Variants in RBFOX1 observed in about 807,000 individuals in gnomAD.
RBFOX1 encodes the protein RNA binding fox-1 homolog 1.
In RBFOX1, 8 loss-of-function variants were observed where a neutral mutation model predicts 57.7. The observed-to-expected ratio is 0.14, with a 90% CI of 0.08 to 0.25. RBFOX1 has a LOEUF of 0.25. Ranked by LOEUF, RBFOX1 falls within the 10% of genes least tolerant of loss-of-function variation. The probability of loss-of-function intolerance (pLI) is 1.00; values close to 1 mark genes in which losing one functional copy is unlikely to be tolerated. For synonymous variants in RBFOX1, 326 were observed against 222.4 expected (o/e 1.47, Z -4.15); for missense variants, 611 against 548.5 (o/e 1.11, Z -1.14).
chr16:6,761,381 G>T (rs572240348), intron 3 of RBFOX1, among the ~76,000 whole-genome samples: 13 of 151,496 alleles, frequency 8.6e-5, no homozygotes, highest in African/African-American at 2.9e-4. Context: ...TTTAGTCTTT[G>T]CATCTCTTAT....
At position 7,518,389 on chromosome 16, in the gene RBFOX1, A is replaced by G. The variant is rs1295224103; in HGVS notation, c.270A>G (p.Thr90=). The change falls in exon 5 of 16, where the codon ACA becomes ACG. Residue 90 remains threonine, a splice_region_variant and synonymous_variant. Coordinates refer to ENST00000550418, the MANE Select transcript of RBFOX1 (RefSeq NM_018723.4). ...CTCAGACCGTCTCTGGCACCGCCAC[A>G]GTAAGTGGACGTGTTTGCTACGGGT... ...TSAQTVSGTA[T]QTDDAAPTDG... The G allele has an allele frequency of 1.9e-6, 3 of 1,608,366 alleles. No homozygotes were observed. Among genetic ancestry groups the G allele is most frequent in the Non-Finnish European group, 2.6e-6 (3 of 1,176,250 alleles).
intron 2 of RBFOX1, among the ~76,000 whole-genome samples, chr16:6,586,839 G>T (rs2153982973): frequency 6.6e-6 from 1 of 152,270 alleles, no homozygotes; most frequent in Non-Finnish European, 1.5e-5. Context: ...AATTATAGGA[G>T]AAAGGGAAAA....
Position 5,787,860 on chromosome 16 carries a change from A to T in RBFOX1, c.319-79443A>T, listed in dbSNP as rs117443895. On this transcript the variant is annotated intron_variant, in intron 3 of 19. Coordinates refer to the RBFOX1 transcript ENST00000641259. The stretch of plus-strand genomic sequence containing the variant: ...AGTTGGAAAGGAAGAATGCATTGCA[A>T]TTGCAGTGTTCCAAGTCAACTAAGG... Among the ~76,000 whole-genome samples the T allele has an allele frequency of 5.9e-5, 9 of 152,356 alleles. No homozygotes were observed. The East Asian group carries it at 1.5e-3, about 26-fold the overall frequency.
chr16:7,205,570 C>G (rs1056898271), intron 4 of RBFOX1, among the ~76,000 whole-genome samples: 3 of 151,866 alleles, frequency 2.0e-5, no homozygotes, highest in African/African-American at 7.3e-5. Flanking sequence ...AAACATGAAC[C>G]TTTCAGTAGA....
In RBFOX1 at chr16:6,392,642, A is replaced by G. The variant is rs540239518; in HGVS notation, c.-64+75585A>G. ...ACTGAGGAACCTTTTCCTGGGACTA[A>G]TAGACCCCCCTAATGGGATGCAGAC... On this transcript the variant is annotated intron_variant, in intron 2 of 15. Transcript: ENST00000550418. Among the ~76,000 whole-genome samples, 57 of 152,332 alleles carry G rather than the reference A, an allele frequency of 3.7e-4. 1 individual carries two copies. The highest frequency in any genetic ancestry group is 2.9e-3 in the South Asian group (14 of 4,824).
chr16:7,366,450 C>T (rs764879898), intron 4 of RBFOX1, among the ~76,000 whole-genome samples: 6 of 152,152 alleles, frequency 3.9e-5, no homozygotes, highest in Non-Finnish European at 8.8e-5. Context: ...TCCGGTCCAG[C>T]CTTCTGCCTC....
chr16:6,963,427 C>A (rs548957460), intron 3 of RBFOX1, among the ~76,000 whole-genome samples: 93 of 152,196 alleles, frequency 6.1e-4, no homozygotes, highest in Non-Finnish European at 1.1e-3. Flanking sequence ...GGACTTCTAC[C>A]AAATGGTTGG....
rs986985881 is a variant in RBFOX1 at position 5,419,597 on chromosome 16, C to T, written c.220-47619C>T. ...CCTTCATTCCAATCAAGTTGATGCT[C>T]AGTATTAACCGTCACAGTCTCTGAG... On this transcript the variant is annotated intron_variant, in intron 1 of 2. Coordinates refer to the RBFOX1 transcript ENST00000585867. Among the ~76,000 whole-genome samples, 3 of 151,824 alleles carry T rather than the reference C, an allele frequency of 2.0e-5. No homozygotes were observed. In the East Asian group the frequency reaches 5.8e-4, roughly 30 times the overall value.
chr16:7,058,823 G>A (rs559641158), intron 4 of RBFOX1, among the ~76,000 whole-genome samples: 1 of 151,996 alleles, frequency 6.6e-6, no homozygotes, highest in South Asian at 2.1e-4. Context: ...TCCATTTATT[G>A]TTCCACTTAT....
At chr16:6,462,588 C>T (rs749556486) in intron 2 of RBFOX1, among the ~76,000 whole-genome samples, 3 of 151,862 alleles carry the variant, frequency 2.0e-5, no homozygotes, top group African/African-American at 4.8e-5. Flanking sequence ...ACATTTGGCA[C>T]GTATTTCTTT....
intron 4 of RBFOX1, among the ~76,000 whole-genome samples, chr16:7,308,799 C>T (rs1313564992): frequency 1.3e-5 from 2 of 152,192 alleles, no homozygotes; most frequent in South Asian, 4.1e-4. Flanking sequence ...AGGGTGGCCC[C>T]ATGCACCAGC....
intron 5 of RBFOX1, among the ~76,000 whole-genome samples, chr16:7,558,667 T>TA (rs2089483135): frequency 6.6e-6 from 1 of 151,808 alleles, no homozygotes; most frequent in African/African-American, 2.4e-5. Flanking sequence ...CAGAAATCAG[T>TA]ATCAACAAAC....
chr16:5,422,337 G>T (rs578152564), intron 1 of RBFOX1, among the ~76,000 whole-genome samples: 3 of 140,650 alleles, frequency 2.1e-5, no homozygotes, highest in African/African-American at 8.0e-5. Context: ...AGAGGAGAAC[G>T]TGGAGGAGGA....
intron 3 of RBFOX1, among the ~76,000 whole-genome samples, chr16:6,926,642 C>T (rs1369760602): frequency 6.6e-6 from 1 of 152,148 alleles, no homozygotes; most frequent in Non-Finnish European, 1.5e-5. Flanking sequence ...GTAGAAGACA[C>T]AGCTTTGCGG....
intron 4 of RBFOX1, among the ~76,000 whole-genome samples, chr16:5,962,350 A>T (rs2059766478): frequency 6.6e-6 from 1 of 152,102 alleles, no homozygotes; most frequent in African/African-American, 2.4e-5. Flanking sequence ...GTTTTCTTTG[A>T]ACTATGCTTT....
chr16:6,016,221 G>T (rs1246915948), upstream of RBFOX1, among the ~76,000 whole-genome samples: 1 of 152,222 alleles, frequency 6.6e-6, no homozygotes, highest in East Asian at 1.9e-4. Flanking sequence ...GTAAATGGAG[G>T]TGTTAGAGGA....
At chr16:5,240,650 T>G (rs1237433265) in intron 1 of RBFOX1, among the ~76,000 whole-genome samples, 3 of 152,154 alleles carry the variant, frequency 2.0e-5, no homozygotes, top group African/African-American at 7.2e-5. Context: ...GCAGATGGCT[T>G]CCATCCCAGA....
intron 5 of RBFOX1, among the ~76,000 whole-genome samples, chr16:7,525,977 C>T (rs1370697564): frequency 6.6e-6 from 1 of 152,170 alleles, no homozygotes; most frequent in Non-Finnish European, 1.5e-5. Context: ...CAGATCAGTA[C>T]TGGTCTGTAG....
chr16:5,440,677 T>G (rs1160857773), intron 1 of RBFOX1, among the ~76,000 whole-genome samples: 1 of 152,162 alleles, frequency 6.6e-6, no homozygotes, highest in African/African-American at 2.4e-5. Context: ...AGGAGCCACA[T>G]GACAAATGAA....
Sources: gnomAD v4.1 joint callset for allele counts (sites outside exome capture counted in the v4.1 genomes callset) on GRCh38, gnomAD v4.1.1 for gene constraint, MANE v1.5 for transcripts, NCBI Gene and HGNC (gene_info 2026-07-23, HGNC 2026-07-21) for gene names.